SERTM2: variants seen among roughly 807,000 people sequenced by gnomAD.
SERTM2 encodes the protein serine rich and transmembrane domain containing 2, also known as serine-rich and transmembrane domain-containing protein 2.
Position 111,518,349 on chromosome X carries a change from T to C in SERTM2, c.-509T>C, listed in dbSNP as rs1026304711. 8.9e-6 allele frequency: 1 copy of C among 111,904 alleles called. No individual in the cohort carries two copies. The highest frequency in any genetic ancestry group is 3.3e-5 in the African/African-American group (1 of 30,726). The allele number at this position is 111,904 out of a possible 1,213,427, so 9.2% of individuals were successfully genotyped here. A position where few individuals can be genotyped will look rare whatever the true frequency, so the allele number is the denominator to read the frequency against. Reference sequence around the variant, plus strand: ...GGTGAAAACTCAGATAAGCTGAGCCTGATATATACAAAAGCCTTCAGATAG... The same window carrying C: ...GGTGAAAACTCAGATAAGCTGAGCCCGATATATACAAAAGCCTTCAGATAG... On this transcript the variant is annotated 5_prime_UTR_variant, in exon 3 of 3. Coordinates refer to ENST00000569275, the MANE Select transcript of SERTM2 (RefSeq NM_001354473.2).
rs1393105016 is a variant in SERTM2 at position 111,518,239 on chromosome X, A to G, written c.-619A>G. On this transcript the variant is annotated 5_prime_UTR_variant, in exon 3 of 3. Coordinates refer to ENST00000569275, the MANE Select transcript of SERTM2 (RefSeq NM_001354473.2). ...GTCAACAAAGCTACAGAAAACTCAC[A>G]TTCTGTAGACTTACAAGCTGTGCAG... 1 of 111,441 alleles carries G rather than the reference A, an allele frequency of 9.0e-6. No homozygotes were observed. Among genetic ancestry groups the G allele is most frequent in the Non-Finnish European group, 1.9e-5 (1 of 53,074 alleles). The allele number at this position is 111,441 out of a possible 1,213,427, so 9.2% of individuals were successfully genotyped here. A position where few individuals can be genotyped will look rare whatever the true frequency, so the allele number is the denominator to read the frequency against.
At position 111,519,062 on chromosome X, in the gene SERTM2, T is replaced by C. The variant is rs926757420; in HGVS notation, c.205T>C (p.Ser69Pro). 3.4e-6 allele frequency: 1 copy of C among 295,364 alleles called. No individual in the cohort carries two copies. Among genetic ancestry groups the C allele is most frequent in the Non-Finnish European group, 5.9e-6 (1 of 169,774 alleles). 24.3% of individuals were successfully genotyped at this position (295,364 alleles called of 1,213,427 possible). ...CAAACATGTCATCTCGCCCATCAACTCTGACAGCACAGAAAGTGTTCCTCA... is the reference window on the plus strand; with the variant it reads ...CAAACATGTCATCTCGCCCATCAACCCTGACAGCACAGAAAGTGTTCCTCA... ...RLKHVISPIN[S>P]DSTESVPQFT... The change falls in exon 3 of 3, where the codon TCT (serine) becomes CCT (proline). Residue 69 changes from serine (S) to proline (P), a missense_variant. Physicochemically the swap from Ser to Pro is moderately conservative, Grantham distance 74. Coordinates refer to ENST00000569275, the MANE Select transcript of SERTM2 (RefSeq NM_001354473.2).
intron 2 of SERTM2, among the ~76,000 whole-genome samples, chrX:111,516,711 C>T (rs772001346): frequency 9.0e-6 from 1 of 110,970 alleles, no homozygotes; most frequent in African/African-American, 3.3e-5. Context: ...AGCAGGTAGA[C>T]TAAGAAAAAT....
chrX:111,512,622 A>C (rs901824948), intron 2 of SERTM2, among the ~76,000 whole-genome samples: 5 of 111,973 alleles, frequency 4.5e-5, no homozygotes, highest in Admixed American at 3.8e-4. Context: ...CACCTAAAAA[A>C]GTGTCTGGAA....
At position 111,518,641 on chromosome X, in the gene SERTM2, GGCGATT is replaced by G. The variant is rs1047817119; in HGVS notation, c.-214_-209del. ...AAGCTCTGATAAAACCTATTGGAGG[GGCGATT>G]GCTGTGCTGAAGGATAGAGAGGGTG... On this transcript the variant is annotated 5_prime_UTR_variant, in exon 3 of 3. Transcript: ENST00000569275. 1.4e-5 allele frequency: 4 copies of G among 290,329 alleles called. No individual in the cohort carries two copies. Among genetic ancestry groups the G allele is most frequent in the African/African-American group, 1.1e-4 (4 of 36,207 alleles). 23.9% of individuals were successfully genotyped at this position (290,329 alleles called of 1,213,427 possible). A position where few individuals can be genotyped will look rare whatever the true frequency, so the allele number is the denominator to read the frequency against.
At position 111,519,001 on chromosome X, in the gene SERTM2, TCTC is replaced by T. The variant is rs1930366435; in HGVS notation, c.148_150del (p.Leu50del). ...GCTTATTCCTGAGCCTCCTGGCCAT[TCTC>T]CTCATCCTGCTCTTCACAATGCTCC... On this transcript the variant is annotated inframe_deletion, in exon 3 of 3. Transcript: ENST00000569275. 3.4e-6 allele frequency: 1 copy of T among 295,648 alleles called. No individual in the cohort carries two copies. The highest frequency in any genetic ancestry group is 2.1e-4 in the South Asian group (1 of 4,850). The allele number at this position is 295,648 out of a possible 1,213,427, so 24.4% of individuals were successfully genotyped here. A position where few individuals can be genotyped will look rare whatever the true frequency, so the allele number is the denominator to read the frequency against.
rs1208336282 is a variant in SERTM2, at chrX:111,511,682, A to C, written c.-1033A>C. 7.4e-6 allele frequency: 1 copy of C among 135,098 alleles called. No homozygotes were observed. Among genetic ancestry groups the C allele is most frequent in the Non-Finnish European group, 1.5e-5 (1 of 68,706 alleles). 11.1% of individuals were successfully genotyped at this position (135,098 alleles called of 1,213,427 possible). On this transcript the variant is annotated 5_prime_UTR_variant, in exon 1 of 3. Transcript: ENST00000569275. ...AATCACTACCTTTCCCGCATACTCT[A>C]AACTGTTGCCTGCGAAAGAGGAACT...
At position 111,520,647 on chromosome X, in the gene SERTM2, A is replaced by T. The variant is rs1350912043; in HGVS notation, c.*1517A>T. 1 of 111,632 alleles carries T rather than the reference A, an allele frequency of 9.0e-6. No homozygotes were observed. The highest frequency in any genetic ancestry group is 2.8e-4 in the East Asian group (1 of 3,540). The allele number at this position is 111,632 out of a possible 1,213,427, so 9.2% of individuals were successfully genotyped here. ...AAATTCCCAAGTGCTTTCCACTTTT[A>T]TACACAGTCATTTGTCAATGCTCCT... is the stretch of plus-strand genomic sequence containing the variant. On this transcript the variant is annotated 3_prime_UTR_variant, in exon 3 of 3. Transcript: ENST00000569275.
chrX:111,518,917 T>A lies in SERTM2; in HGVS notation c.60T>A (p.Thr20=). The A allele has an allele frequency of 3.4e-6, 1 of 297,749 alleles. No individual in the cohort carries two copies. The highest frequency in any genetic ancestry group is 5.9e-6 in the Non-Finnish European group (1 of 170,159). 24.5% of individuals were successfully genotyped at this position (297,749 alleles called of 1,213,427 possible). A position where few individuals can be genotyped will look rare whatever the true frequency, so the allele number is the denominator to read the frequency against. ...GNLTGRAHFP[T]LATEVDTSSD... Reference sequence around the variant, plus strand: ...TCACTGGGCGTGCCCATTTTCCCACTCTGGCAACAGAGGTTGATACCTCTT... The same window carrying A: ...TCACTGGGCGTGCCCATTTTCCCACACTGGCAACAGAGGTTGATACCTCTT... Residue 20 remains threonine, a synonymous_variant, in exon 3 of 3, where the codon ACT becomes ACA. Coordinates refer to ENST00000569275, the MANE Select transcript of SERTM2 (RefSeq NM_001354473.2).
chrX:111,517,628 G>A lies in SERTM2; in HGVS notation c.-783-447G>A, dbSNP rs376046643. Among the ~76,000 whole-genome samples, 5 of 110,000 alleles carry A rather than the reference G, an allele frequency of 4.5e-5. No individual in the cohort carries two copies. The East Asian group carries it at 1.4e-3, about 32-fold the overall frequency. ...ATTTACTGCTGAAGTCTTCCAAAAT[G>A]ATTTAACTTGGCATTCTAAACATGA... On this transcript the variant is annotated intron_variant, in intron 2 of 2. Coordinates refer to ENST00000569275, the MANE Select transcript of SERTM2 (RefSeq NM_001354473.2).
In SERTM2 at chrX:111,518,378, C is replaced by T. The variant is rs1930353152; in HGVS notation, c.-480C>T. ...ATATACAAAAGCCTTCAGATAGTCT[C>T]CTCGCAGAAGAGCCCAATTAAGTCC... On this transcript the variant is annotated 5_prime_UTR_variant, in exon 3 of 3. Coordinates refer to ENST00000569275, the MANE Select transcript of SERTM2 (RefSeq NM_001354473.2). 8.9e-6 allele frequency: 1 copy of T among 112,516 alleles called. No individual in the cohort carries two copies. Among genetic ancestry groups the T allele is most frequent in the Non-Finnish European group, 1.9e-5 (1 of 53,786 alleles). 9.3% of individuals were successfully genotyped at this position (112,516 alleles called of 1,213,427 possible). A position where few individuals can be genotyped will look rare whatever the true frequency, so the allele number is the denominator to read the frequency against.
chrX:111,516,669 C>G (rs1029786161), intron 2 of SERTM2, among the ~76,000 whole-genome samples: 6 of 100,010 alleles, frequency 6.0e-5, no homozygotes, highest in Admixed American at 1.0e-4. Flanking sequence ...TCTTATGAAC[C>G]AAGTTATTCT....
At chrX:111,517,986 A>G (rs766984879) in intron 2 of SERTM2, 89 bp from the exon 3 acceptor site, 18 of 112,097 alleles carry the variant, frequency 1.6e-4, no homozygotes, top group Non-Finnish European at 3.0e-4. Flanking sequence ...CCATTTTGCA[A>G]TTTATCAATT....
chrX:111,516,022 C>T (rs1470741047), intron 2 of SERTM2, among the ~76,000 whole-genome samples: 1 of 109,410 alleles, frequency 9.1e-6, no homozygotes, highest in African/African-American at 3.3e-5. Flanking sequence ...TTCTTTCAGG[C>T]CTGGAGTATA....
intron 2 of SERTM2, among the ~76,000 whole-genome samples, chrX:111,512,908 C>T (rs896695939): frequency 9.0e-6 from 1 of 111,474 alleles, no homozygotes; most frequent in Non-Finnish European, 1.9e-5. Context: ...AAACACAAGA[C>T]TTTTTGTTAC....
chrX:111,520,956 G>A lies in SERTM2; in HGVS notation c.*1826G>A, dbSNP rs1328862594. ...ATTTGAGCTTTGGCAGCCAAACATG[G>A]ACTTCCTCAAGACTGGCAACACCCC... is the stretch of plus-strand genomic sequence containing the variant. On this transcript the variant is annotated 3_prime_UTR_variant, in exon 3 of 3. Coordinates refer to ENST00000569275, the MANE Select transcript of SERTM2 (RefSeq NM_001354473.2). 9.0e-6 allele frequency: 1 copy of A among 111,480 alleles called. No homozygotes were observed. Among genetic ancestry groups the A allele is most frequent in the Admixed American group, 9.6e-5 (1 of 10,469 alleles). 9.2% of individuals were successfully genotyped at this position (111,480 alleles called of 1,213,427 possible). A position where few individuals can be genotyped will look rare whatever the true frequency, so the allele number is the denominator to read the frequency against.
Position 111,511,994 on chromosome X carries a change from C to A in SERTM2, c.-880-4C>A. On this transcript the variant is annotated splice_region_variant and splice_polypyrimidine_tract_variant and intron_variant, in intron 1 of 2. Coordinates refer to ENST00000569275, the MANE Select transcript of SERTM2 (RefSeq NM_001354473.2). ...CAAAACAAGGCTTTCATTCTATGTTCCAGCTATTCCAGAGATGTTCCTGAA... is the reference window on the plus strand; with the variant it reads ...CAAAACAAGGCTTTCATTCTATGTTACAGCTATTCCAGAGATGTTCCTGAA... 1 of 296,371 alleles carries A rather than the reference C, an allele frequency of 3.4e-6. No homozygotes were observed. Among genetic ancestry groups the A allele is most frequent in the South Asian group, 2.0e-4 (1 of 5,023 alleles). 24.4% of individuals were successfully genotyped at this position (296,371 alleles called of 1,213,427 possible).
rs1335081632 is a variant in SERTM2, at chrX:111,521,948, C to T, written c.*2818C>T. ...TTTAAAATATATTTTGCATATATTT[C>T]AGAATCATGGGTTGTACAAAATGAA... On this transcript the variant is annotated 3_prime_UTR_variant, in exon 3 of 3. Coordinates refer to ENST00000569275, the MANE Select transcript of SERTM2 (RefSeq NM_001354473.2). 9.0e-6 allele frequency: 1 copy of T among 111,527 alleles called. No homozygotes were observed. Among genetic ancestry groups the T allele is most frequent in the Non-Finnish European group, 1.9e-5 (1 of 53,120 alleles). The allele number at this position is 111,527 out of a possible 1,213,427, so 9.2% of individuals were successfully genotyped here. A position where few individuals can be genotyped will look rare whatever the true frequency, so the allele number is the denominator to read the frequency against.
chrX:111,522,016 T>C lies in SERTM2; in HGVS notation c.*2886T>C, dbSNP rs1348543491. 1 of 111,756 alleles carries C rather than the reference T, an allele frequency of 8.9e-6. No homozygotes were observed. Among genetic ancestry groups the C allele is most frequent in the Non-Finnish European group, 1.9e-5 (1 of 53,189 alleles). 9.2% of individuals were successfully genotyped at this position (111,756 alleles called of 1,213,427 possible). On this transcript the variant is annotated 3_prime_UTR_variant, in exon 3 of 3. Transcript: ENST00000569275. ...TATGTATTATGTATTATGTATTAAG[T>C]AGGAAATATTAAGGTTAATCAAGTA...
Sources: gnomAD v4.1 joint callset for allele counts (sites outside exome capture counted in the v4.1 genomes callset) on GRCh38, gnomAD v4.1.1 for gene constraint, MANE v1.5 for transcripts, NCBI Gene and HGNC (gene_info 2026-07-23, HGNC 2026-07-21) for gene names.